Variants in DOK5 observed in about 807,000 individuals in gnomAD.
The protein encoded by DOK5 is downstream of tyrosine kinase 5.
DOK5 carries 27 observed loss-of-function variants against 43.3 expected under a neutral mutation model. That is an observed-to-expected ratio of 0.62 (90% CI 0.46 to 0.86). The LOEUF (loss-of-function observed/expected upper bound fraction) is 0.86, where lower values mean the gene tolerates loss of function less well. Ranked by LOEUF, DOK5 falls within the 40% of genes least tolerant of loss-of-function variation. The pLI, the probability that DOK5 is intolerant of heterozygous loss-of-function variation, is 0.00. For missense variants in DOK5, 373 were observed against 392.9 expected, an observed-to-expected ratio of 0.95 and a Z score of 0.43; for synonymous variants, 146 against 140.1, an observed-to-expected ratio of 1.04 and a Z score of -0.30.
intron 6 of DOK5, among the ~76,000 whole-genome samples, chr20:54,623,782 T>C (rs1987057637): frequency 6.6e-6 from 1 of 152,106 alleles, no homozygotes; most frequent in Admixed American, 6.5e-5. Flanking sequence ...GGTTTCACCA[T>C]GTTAGCCAAG....
rs139221636 is a variant in DOK5, at chr20:54,563,660, T to C, written c.174+8620T>C. On this transcript the variant is annotated intron_variant, in intron 2 of 7. Transcript: ENST00000262593. ...CCTTTGCTTTTCTCTTCTCTATTTG[T>C]CAGGTTTTTTTTTTTTTTTTTTTTT... 6.6e-3 allele frequency among the ~76,000 whole-genome samples: 967 copies of C among 147,020 alleles called. 11 individuals are homozygous for C. The highest frequency in any genetic ancestry group is 0.024 in the African/African-American group (922 of 38,998).
At chr20:54,595,080 G>T (rs146287584) in intron 5 of DOK5, among the ~76,000 whole-genome samples, 1,770 of 152,292 alleles carry the variant, frequency 0.012, 20 homozygotes, top group Middle Eastern at 0.02. Context: ...GGTGGCTCAT[G>T]CCTGTAATCC....
chr20:54,480,871 C>T (rs1981640304), intron 1 of DOK5, among the ~76,000 whole-genome samples: 1 of 151,542 alleles, frequency 6.6e-6, no homozygotes, highest in South Asian at 2.1e-4. Flanking sequence ...TTTCTCAGCT[C>T]CTACCCTCTC....
At chr20:54,621,185 G>A (rs1428892229) in intron 6 of DOK5, among the ~76,000 whole-genome samples, 1 of 152,196 alleles carries the variant, frequency 6.6e-6, no homozygotes, top group Non-Finnish European at 1.5e-5. Flanking sequence ...GTTAGTGTTG[G>A]CTACCCTTTG....
At chr20:54,636,771 G>T (rs1434047705) in intron 6 of DOK5, among the ~76,000 whole-genome samples, 1 of 152,154 alleles carries the variant, frequency 6.6e-6, no homozygotes, top group Non-Finnish European at 1.5e-5. Flanking sequence ...TGATCTCCAT[G>T]AATTGATTTT....
chr20:54,650,322 C>A, intron 7 of DOK5, 93 bp from the exon 8 acceptor site: 1 of 1,278,152 alleles, frequency 7.8e-7, no homozygotes, highest in Non-Finnish European at 1.1e-6. Context: ...AGTACATTTA[C>A]TTATTTCTGT....
chr20:54,649,420 T>C (rs1979595389), intron 7 of DOK5, among the ~76,000 whole-genome samples: 3 of 151,910 alleles, frequency 2.0e-5, no homozygotes, highest in African/African-American at 7.3e-5. Flanking sequence ...TACATACAAA[T>C]AAAATAAAAT....
chr20:54,631,970 C>CAA (rs1182607049), intron 6 of DOK5, among the ~76,000 whole-genome samples: 1 of 151,914 alleles, frequency 6.6e-6, no homozygotes, highest in African/African-American at 2.4e-5. Flanking sequence ...GACTCCGTCT[C>CAA]AAAAACAAAA....
intron 1 of DOK5, among the ~76,000 whole-genome samples, chr20:54,489,719 G>A (rs993939209): frequency 3.3e-5 from 5 of 152,162 alleles, no homozygotes; most frequent in East Asian, 3.9e-4. Context: ...TAAGAACCTG[G>A]GTTCGAATCC....
At chr20:54,608,025 A>G (rs770366843) in intron 5 of DOK5, among the ~76,000 whole-genome samples, 3 of 152,240 alleles carry the variant, frequency 2.0e-5, no homozygotes, top group Non-Finnish European at 4.4e-5. Flanking sequence ...CAAATAAGAT[A>G]GAATAGAAAA....
At chr20:54,537,972 G>T (rs1371543827) in intron 1 of DOK5, among the ~76,000 whole-genome samples, 1 of 150,882 alleles carries the variant, frequency 6.6e-6, no homozygotes, top group Non-Finnish European at 1.5e-5. Context: ...CTGAATAGCT[G>T]GGATTACAGG....
At chr20:54,600,005 A>T (rs944989950) in intron 5 of DOK5, among the ~76,000 whole-genome samples, 1 of 152,190 alleles carries the variant, frequency 6.6e-6, no homozygotes, top group African/African-American at 2.4e-5. Flanking sequence ...GTGCCAAAGA[A>T]GGGGTGCAAT....
intron 1 of DOK5, among the ~76,000 whole-genome samples, chr20:54,495,356 G>T (rs757117578): frequency 5.3e-5 from 8 of 152,176 alleles, no homozygotes; most frequent in Non-Finnish European, 1.0e-4. Context: ...GCTGGTTATA[G>T]CTCGTTGTAG....
At chr20:54,519,758 T>C (rs1391860722) in intron 1 of DOK5, among the ~76,000 whole-genome samples, 1 of 152,236 alleles carries the variant, frequency 6.6e-6, no homozygotes, top group Non-Finnish European at 1.5e-5. Flanking sequence ...ATGCATTCAA[T>C]AACTATGTTT....
intron 4 of DOK5, among the ~76,000 whole-genome samples, chr20:54,590,103 T>C (rs1191491610): frequency 6.6e-6 from 1 of 152,122 alleles, no homozygotes. Flanking sequence ...TTTCACAAAT[T>C]TGTATTTGGG....
chr20:54,615,816 G>T (rs1441460383), intron 6 of DOK5, among the ~76,000 whole-genome samples: 2 of 151,782 alleles, frequency 1.3e-5, no homozygotes, highest in African/African-American at 2.4e-5. Context: ...CAGGAGAATT[G>T]TTTGAACCTG....
chr20:54,617,069 C>T lies in DOK5; in HGVS notation c.735+6546C>T, dbSNP rs539633695. 3.1e-4 allele frequency among the ~76,000 whole-genome samples: 47 copies of T among 152,230 alleles called. No homozygotes were observed. In the South Asian group the frequency reaches 9.1e-3, roughly 30 times the overall value. On this transcript the variant is annotated intron_variant, in intron 6 of 7. Transcript: ENST00000262593. ...CCTCCCAAAGTGCTGGGATTACAGG[C>T]GTGAGCCACTGCGCCCAGCCAAGGA...
At chr20:54,598,702 C>G (rs1048407367) in intron 5 of DOK5, among the ~76,000 whole-genome samples, 2 of 152,198 alleles carry the variant, frequency 1.3e-5, no homozygotes, top group African/African-American at 4.8e-5. Flanking sequence ...TGGAGAGAGT[C>G]TCTCTTGTGC....
intron 2 of DOK5, among the ~76,000 whole-genome samples, chr20:54,570,426 G>A (rs2146746978): frequency 6.6e-6 from 1 of 152,296 alleles, no homozygotes; most frequent in East Asian, 1.9e-4. Flanking sequence ...GAAACAATTT[G>A]AAGCTTCTGC....
Sources: allele counts gnomAD v4.1 joint callset (sites outside exome capture counted in the v4.1 genomes callset), GRCh38; gene constraint gnomAD v4.1.1; transcripts MANE v1.5; gene names NCBI Gene and HGNC (gene_info 2026-07-23, HGNC 2026-07-21).